The following ROR1 variants were observed in gnomAD, a reference collection of about 807,000 sequenced individuals.
The protein encoded by ROR1 is inactive tyrosine-protein kinase transmembrane receptor ROR1.
In ROR1, 19 loss-of-function variants were observed where a neutral mutation model predicts 78.8. The observed-to-expected ratio is 0.24, with a 90% CI of 0.17 to 0.35. The LOEUF (loss-of-function observed/expected upper bound fraction) is 0.35. Ranked by LOEUF, ROR1 falls within the 10% of genes least tolerant of loss-of-function variation. The pLI is 1.00. For synonymous variants in ROR1, 386 were observed against 433.6 expected (o/e 0.89, Z 1.36); for missense variants, 917 against 1,177.8 (o/e 0.78, Z 3.24).
At chr1:63,821,125 G>A (rs573600494) in intron 1 of ROR1, among the ~76,000 whole-genome samples, 9 of 152,286 alleles carry the variant, frequency 5.9e-5, no homozygotes, top group South Asian at 4.1e-4. Flanking sequence ...TAGAACTACC[G>A]TGAATTAAGT....
intron 4 of ROR1, among the ~76,000 whole-genome samples, chr1:64,065,183 TA>T (rs1313041729): frequency 6.6e-6 from 1 of 152,186 alleles, no homozygotes; most frequent in African/African-American, 2.4e-5. Flanking sequence ...GGCCTTTTTA[TA>T]AAACTTTGCA....
In ROR1 at chr1:64,137,489, G is replaced by T; in HGVS notation, c.603G>T (p.Gln201His). The change falls in exon 5 of 9, where the codon CAG becomes CAT. Residue 201 changes from glutamine (Q) to histidine (H), a missense_variant. Gln to His is a conservative substitution (Grantham distance 24). This residue lies in a region of ROR1 where 835 missense variants were observed against 1,069.8 expected (regional missense o/e 0.78). Transcript: ENST00000371079. The stretch of plus-strand genomic sequence containing the variant: ...ACATGCAAGGGGAAATAGAAAATCA[G>T]ATCACAGGTAGGTAGCACCAATGAA... ...SLHMQGEIENQITAAFTMIGT... is the reference protein window; with the variant it reads ...SLHMQGEIENHITAAFTMIGT... 1.9e-6 allele frequency: 3 copies of T among 1,612,848 alleles called. No homozygotes were observed. The highest frequency in any genetic ancestry group is 2.5e-6 in the Non-Finnish European group (3 of 1,179,416).
chr1:63,925,509 A>C (rs1304664654), intron 1 of ROR1, among the ~76,000 whole-genome samples: 3 of 152,144 alleles, frequency 2.0e-5, no homozygotes, highest in Non-Finnish European at 4.4e-5. Flanking sequence ...CATGATTTAT[A>C]GTCCTTTGGG....
intron 1 of ROR1, among the ~76,000 whole-genome samples, chr1:63,986,767 T>C (rs1646256217): frequency 6.6e-6 from 1 of 151,806 alleles, no homozygotes; most frequent in Admixed American, 6.6e-5. Context: ...CTTGGTGGTG[T>C]GTACCTGTGG....
intron 4 of ROR1, among the ~76,000 whole-genome samples, chr1:64,088,056 T>G (rs1411683289): frequency 2.0e-5 from 3 of 152,218 alleles, no homozygotes; most frequent in Admixed American, 2.0e-4. Flanking sequence ...GTTGTGGTTT[T>G]GAGATAACAA....
intron 1 of ROR1, among the ~76,000 whole-genome samples, chr1:63,901,228 C>T (rs1224968781): frequency 1.3e-5 from 2 of 152,210 alleles, no homozygotes; most frequent in African/African-American, 4.8e-5. Flanking sequence ...TGCTGATTCA[C>T]ACTTGGCATG....
intron 1 of ROR1, among the ~76,000 whole-genome samples, chr1:63,831,449 T>G (rs577971652): frequency 2.0e-5 from 3 of 152,302 alleles, no homozygotes; most frequent in Non-Finnish European, 2.9e-5. Flanking sequence ...CAACACCAGG[T>G]GGAAGCTGCC....
intron 1 of ROR1, chr1:63,789,130 A>G: frequency 3.3e-6 from 2 of 610,198 alleles, no homozygotes; most frequent in Non-Finnish European, 6.4e-6. Context: ...CGAGCCTGGG[A>G]ATGGACAGTC....
intron 1 of ROR1, among the ~76,000 whole-genome samples, chr1:63,904,584 C>T (rs145776439): frequency 6.6e-5 from 10 of 152,262 alleles, no homozygotes; most frequent in African/African-American, 1.4e-4. Flanking sequence ...TCTTTAAATT[C>T]GTATATTGAA....
At chr1:63,950,457 A>G (rs751512672) in intron 1 of ROR1, among the ~76,000 whole-genome samples, 4 of 152,244 alleles carry the variant, frequency 2.6e-5, no homozygotes, top group African/African-American at 9.6e-5. Context: ...TATAATTCAC[A>G]TATAATGACC....
At chr1:63,966,282 C>A (rs2100491649) in intron 1 of ROR1, among the ~76,000 whole-genome samples, 1 of 152,320 alleles carries the variant, frequency 6.6e-6, no homozygotes, top group African/African-American at 2.4e-5. Context: ...AATCCCCTTC[C>A]TGGAGTGTTG....
intron 2 of ROR1, among the ~76,000 whole-genome samples, chr1:64,013,014 CGTT>C (rs2100547025): frequency 6.6e-6 from 1 of 152,226 alleles, no homozygotes; most frequent in East Asian, 1.9e-4. Flanking sequence ...CTCCACTATG[CGTT>C]TCCTGTGTGA....
intron 1 of ROR1, among the ~76,000 whole-genome samples, chr1:63,899,436 C>T (rs978831706): frequency 2.6e-5 from 4 of 152,084 alleles, no homozygotes; most frequent in African/African-American, 9.7e-5. Context: ...CCTAAATTTG[C>T]ATACTTTGTA....
intron 1 of ROR1, among the ~76,000 whole-genome samples, chr1:64,002,411 A>G (rs1360731288): frequency 6.6e-6 from 1 of 152,192 alleles, no homozygotes; most frequent in Non-Finnish European, 1.5e-5. Context: ...GGCGTGAGCC[A>G]TTGCGCCCGG....
chr1:63,967,559 C>T (rs1246014730), intron 1 of ROR1, among the ~76,000 whole-genome samples: 1 of 152,176 alleles, frequency 6.6e-6, no homozygotes, highest in East Asian at 1.9e-4. Flanking sequence ...TCCTCTATCC[C>T]TACCACCATC....
chr1:63,814,567 C>T (rs1298925710), intron 1 of ROR1, among the ~76,000 whole-genome samples: 1 of 151,796 alleles, frequency 6.6e-6, no homozygotes, highest in Non-Finnish European at 1.5e-5. Flanking sequence ...GAGCCCTGAG[C>T]TTGTTTTCCT....
chr1:63,791,964 C>A (rs1644729580), intron 1 of ROR1, among the ~76,000 whole-genome samples: 1 of 152,048 alleles, frequency 6.6e-6, no homozygotes, highest in African/African-American at 2.4e-5. Flanking sequence ...GAGGGTAAAG[C>A]TGTGAACAAA....
At chr1:64,073,150 C>T (rs1241497433) in intron 4 of ROR1, among the ~76,000 whole-genome samples, 1 of 152,100 alleles carries the variant, frequency 6.6e-6, no homozygotes, top group Non-Finnish European at 1.5e-5. Context: ...CTTAGCTTCC[C>T]TCCTCTATGT....
chr1:64,079,177 AC>A (rs1482265586), intron 4 of ROR1, among the ~76,000 whole-genome samples: 1 of 152,164 alleles, frequency 6.6e-6, no homozygotes, highest in African/African-American at 2.4e-5. Flanking sequence ...CAGATTCTCT[AC>A]CCCCAAACAT....
Sources: gnomAD v4.1 joint callset for allele counts (sites outside exome capture counted in the v4.1 genomes callset) on GRCh38, gnomAD v4.1.1 for gene constraint, gnomAD v4.1.1 regional missense constraint, MANE v1.5 for transcripts, NCBI Gene and HGNC (gene_info 2026-07-23, HGNC 2026-07-21) for gene names.